The following RIN2 variants were observed in gnomAD, a reference collection of about 807,000 sequenced individuals.
RIN2 encodes RAB5 interacting protein 2.
A neutral mutation model predicts 78.0 loss-of-function variants in RIN2; 36 were observed. The observed-to-expected ratio is 0.46, with a 90% confidence interval of 0.35 to 0.61. The LOEUF is 0.61. RIN2 is among the 20% of genes least tolerant of loss of function. The pLI is 0.00. For missense variants in RIN2, 1,087 were observed against 1,159.7 expected, an observed-to-expected ratio of 0.94 and a Z score of 0.91; for synonymous variants, 466 against 466.8, an observed-to-expected ratio of 1.00 and a Z score of 0.02.
chr20:19,779,480 A>T (rs904576033), intron 1 of RIN2, among the ~76,000 whole-genome samples: 2 of 152,172 alleles, frequency 1.3e-5, no homozygotes, highest in African/African-American at 4.8e-5. Context: ...ACTGTACCTC[A>T]GCGGGGTATA....
Position 19,888,366 on chromosome 20 carries a change from C to T in RIN2, c.-36-1200C>T, listed in dbSNP as rs144110654. ...ATCCTTGCTCACTCACTGATATGCA[C>T]TTCTCAGCTATAGATTCATGCTTTT... On this transcript the variant is annotated intron_variant, in intron 2 of 12. Coordinates refer to ENST00000255006, the MANE Select transcript of RIN2 (RefSeq NM_018993.4). Among the ~76,000 whole-genome samples the T allele has an allele frequency of 7.2e-5, 11 of 152,324 alleles. No homozygotes were observed. The East Asian group carries it at 2.1e-3, about 29-fold the overall frequency.
chr20:19,864,627 G>T (rs1279632880), intron 2 of RIN2, among the ~76,000 whole-genome samples: 2 of 152,174 alleles, frequency 1.3e-5, no homozygotes, highest in Admixed American at 6.5e-5. Context: ...CATATAAGGA[G>T]CGTGGGGTTA....
chr20:19,992,399 A>G (rs1452117902), intron 11 of RIN2, 100 bp downstream of exon 11: 1 of 1,192,518 alleles, frequency 8.4e-7, no homozygotes. Context: ...ATCATTTTAC[A>G]GTGAATAATT....
chr20:19,839,047 G>A (rs1490835226), intron 2 of RIN2, among the ~76,000 whole-genome samples: 5 of 152,210 alleles, frequency 3.3e-5, no homozygotes, highest in Non-Finnish European at 7.3e-5. Flanking sequence ...GGGTGAGATT[G>A]TTTCTGCAGT....
intron 4 of RIN2, among the ~76,000 whole-genome samples, chr20:19,937,623 T>C (rs2040700309): frequency 6.6e-6 from 1 of 152,250 alleles, no homozygotes; most frequent in South Asian, 2.1e-4. Context: ...TCTTTAACTT[T>C]GTCTTGTGCC....
At chr20:19,809,447 A>G (rs569155181) in intron 2 of RIN2, 5 of 152,672 alleles carry the variant, frequency 3.3e-5, no homozygotes, top group African/African-American at 9.6e-5. Flanking sequence ...GGAGGAGAAC[A>G]TGGAAGCAGG....
intron 4 of RIN2, among the ~76,000 whole-genome samples, chr20:19,942,273 A>G (rs2040909025): frequency 6.6e-6 from 1 of 152,196 alleles, no homozygotes; most frequent in African/African-American, 2.4e-5. Flanking sequence ...TCAGATGAAC[A>G]GAGGAGGACA....
intron 2 of RIN2, among the ~76,000 whole-genome samples, chr20:19,844,918 G>A (rs1371415264): frequency 6.6e-6 from 1 of 151,760 alleles, no homozygotes; most frequent in African/African-American, 2.4e-5. Flanking sequence ...AGTGTGTGAT[G>A]TTCCCCTCCC....
intron 4 of RIN2, among the ~76,000 whole-genome samples, chr20:19,952,134 T>G (rs928680459): frequency 6.6e-6 from 1 of 152,210 alleles, no homozygotes; most frequent in Admixed American, 6.5e-5. Flanking sequence ...GCAGCGTGAA[T>G]AGCCCCCCAG....
At chr20:19,992,478 C>T (rs1440781970) in intron 11 of RIN2, among the ~76,000 whole-genome samples, 179 bp downstream of exon 11, 1 of 152,178 alleles carries the variant, frequency 6.6e-6, no homozygotes, top group Non-Finnish European at 1.5e-5. Context: ...CTATTTTCCT[C>T]ACCCTAAAAT....
intron 3 of RIN2, among the ~76,000 whole-genome samples, chr20:19,898,949 C>T (rs900773697): frequency 3.9e-5 from 6 of 152,190 alleles, no homozygotes; most frequent in Admixed American, 2.0e-4. Flanking sequence ...CACTACCTAT[C>T]AGAATCAATG....
Position 19,975,045 on chromosome 20 carries a change from T to C in RIN2, c.1020T>C (p.His340=). ...TQTSMPETVN[H]NKHGNVALPG... ...CGAGCATGCCAGAAACAGTCAACCATAACAAACATGGGAACGTAGCTCTGC... is the reference window on the plus strand; with the variant it reads ...CGAGCATGCCAGAAACAGTCAACCACAACAAACATGGGAACGTAGCTCTGC... The change falls in exon 9 of 13, where the codon CAT becomes CAC. Residue 340 remains histidine (H), a synonymous_variant. Transcript: ENST00000255006. This position sits in a 1 kb window ranked among gnomAD's most constrained non-coding sequence, Gnocchi z 4.9. 2 of 1,583,032 alleles carry C rather than the reference T, an allele frequency of 1.3e-6. No individual in the cohort carries two copies. Among genetic ancestry groups the C allele is most frequent in the Non-Finnish European group, 1.7e-6 (2 of 1,162,130 alleles).
chr20:19,958,185 A>G (rs919633308), intron 5 of RIN2, among the ~76,000 whole-genome samples: 1 of 152,242 alleles, frequency 6.6e-6, no homozygotes, highest in Non-Finnish European at 1.5e-5. Flanking sequence ...CTGCTAGAAC[A>G]TGCTCAGGGG....
chr20:19,946,494 G>A lies in RIN2; in HGVS notation c.159-10121G>A, dbSNP rs370361610. ...CCACTTTGAGAGGCCAAGGTGGGAG[G>A]ATTGATTGAGACCAGGAGTTCGAGA... On this transcript the variant is annotated intron_variant, in intron 4 of 12. Transcript: ENST00000255006. Among the ~76,000 whole-genome samples, 8 of 152,112 alleles carry A rather than the reference G, an allele frequency of 5.3e-5. No homozygotes were observed. In the East Asian group the frequency reaches 1.2e-3, roughly 22 times the overall value.
rs1479118771 is a variant in RIN2, at chr20:19,975,366, C to A, written c.1341C>A (p.Ser447Arg). ...SSSDSLEFDR[S>R]MPLFGYEADT... ...CCGACTCGCTGGAGTTCGACCGGAGCATGCCTCTGTTTGGCTACGAGGCGG... is the reference window on the plus strand; with the variant it reads ...CCGACTCGCTGGAGTTCGACCGGAGAATGCCTCTGTTTGGCTACGAGGCGG... The change falls in exon 9 of 13, where the codon AGC becomes AGA. Residue 447 changes from serine to arginine, a missense_variant. Transcript: ENST00000255006. The surrounding 1 kb of genome is among the most constrained non-coding windows in gnomAD (Gnocchi z 4.9). 6 of 1,613,902 alleles carry A rather than the reference C, an allele frequency of 3.7e-6. No homozygotes were observed. Among genetic ancestry groups the A allele is most frequent in the Non-Finnish European group, 5.1e-6 (6 of 1,179,820 alleles).
At chr20:19,787,445 A>AAGAGAGAG (rs1182054268) in intron 1 of RIN2, among the ~76,000 whole-genome samples, 1 of 148,146 alleles carries the variant, frequency 6.8e-6, no homozygotes, top group South Asian at 2.1e-4. Context: ...AAAAAAAAAA[A>AAGAGAGAG]AGAGAGAGAG....
intron 1 of RIN2, among the ~76,000 whole-genome samples, chr20:19,768,084 C>G (rs2033965081): frequency 6.6e-6 from 1 of 152,060 alleles, no homozygotes; most frequent in Non-Finnish European, 1.5e-5. Flanking sequence ...TCCCAATGAT[C>G]CAGACTGTGT....
At chr20:19,876,188 G>C (rs1327383203) in intron 2 of RIN2, among the ~76,000 whole-genome samples, 1 of 152,172 alleles carries the variant, frequency 6.6e-6, no homozygotes, top group Non-Finnish European at 1.5e-5. Flanking sequence ...CAAACCCTTG[G>C]CTTTTGTTTT....
intron 2 of RIN2, among the ~76,000 whole-genome samples, chr20:19,801,723 A>C (rs755905691): frequency 6.6e-6 from 1 of 152,182 alleles, no homozygotes; most frequent in Non-Finnish European, 1.5e-5. Context: ...TCTTCTAGCA[A>C]AGACCCTTAC....
Sources: gnomAD v4.1 joint callset for allele counts (sites outside exome capture counted in the v4.1 genomes callset) on GRCh38, gnomAD v4.1.1 for gene constraint, Gnocchi (gnomAD v3.1) non-coding constraint, MANE v1.5 for transcripts, NCBI Gene and HGNC (gene_info 2026-07-23, HGNC 2026-07-21) for gene names.